Variants in SLC6A6 observed in about 807,000 individuals in gnomAD.
SLC6A6 encodes solute carrier family 6 member 6, also known as sodium- and chloride-dependent taurine transporter.
A neutral mutation model predicts 68.8 loss-of-function variants in SLC6A6; 16 were observed. The observed-to-expected ratio is 0.23, with a 90% CI of 0.16 to 0.35. SLC6A6 has a LOEUF of 0.35. Ranked by LOEUF, SLC6A6 falls within the 10% of genes least tolerant of loss-of-function variation. The pLI, the probability that SLC6A6 is intolerant of heterozygous loss-of-function variation, is 1.00. For synonymous variants in SLC6A6, 312 were observed against 315.4 expected (o/e 0.99, Z 0.12); for missense variants, 474 against 802.8 (o/e 0.59, Z 4.95).
chr3:14,487,483 T>G lies in SLC6A6; in HGVS notation c.*2476T>G, dbSNP rs1209724431. The G allele has an allele frequency of 1.3e-5, 2 of 152,298 alleles. No individual in the cohort carries two copies. The highest frequency in any genetic ancestry group is 2.9e-5 in the Non-Finnish European group (2 of 68,086). The allele number at this position is 152,298 out of a possible 1,614,324, so 9.4% of individuals were successfully genotyped here. A position where few individuals can be genotyped will look rare whatever the true frequency, so the allele number is the denominator to read the frequency against. ...TGAGAGCTCATGACTCTGGTCCACC[T>G]GTCTATAGAGAATGGGCAAAGTCCT... is the stretch of plus-strand genomic sequence containing the variant. On this transcript the variant is annotated 3_prime_UTR_variant, in exon 15 of 15. Coordinates refer to ENST00000622186, the MANE Select transcript of SLC6A6 (RefSeq NM_003043.6).
Position 14,488,666 on chromosome 3 carries a change from A to G in SLC6A6, c.*3659A>G, listed in dbSNP as rs944942908. On this transcript the variant is annotated 3_prime_UTR_variant, in exon 15 of 15. Coordinates refer to ENST00000622186, the MANE Select transcript of SLC6A6 (RefSeq NM_003043.6). ...TACCACTGTGTGCAAAAATCGAAGT[A>G]CAAAACCACAAGACTAAACAAAACA... The G allele has an allele frequency of 6.6e-6, 1 of 152,284 alleles. No individual in the cohort carries two copies. Among genetic ancestry groups the G allele is most frequent in the Non-Finnish European group, 1.5e-5 (1 of 68,060 alleles). The allele number at this position is 152,284 out of a possible 1,614,324, so 9.4% of individuals were successfully genotyped here. A position where few individuals can be genotyped will look rare whatever the true frequency, so the allele number is the denominator to read the frequency against.
intron 14 of SLC6A6, among the ~76,000 whole-genome samples, chr3:14,484,197 C>G (rs1214490776): frequency 6.6e-6 from 1 of 152,176 alleles, no homozygotes; most frequent in Non-Finnish European, 1.5e-5. Flanking sequence ...GAGAGGGACA[C>G]TCAACCAACT....
At chr3:14,445,992 C>A in intron 4 of SLC6A6, 141 bp downstream of exon 4, 1 of 829,636 alleles carries the variant, frequency 1.2e-6, no homozygotes, top group Non-Finnish European at 1.9e-6. Context: ...GCAGCCAGTA[C>A]AGTACCAGTG....
At chr3:14,426,888 A>G (rs1350702028) in intron 2 of SLC6A6, among the ~76,000 whole-genome samples, 1 of 152,146 alleles carries the variant, frequency 6.6e-6, no homozygotes, top group African/African-American at 2.4e-5. Flanking sequence ...TGTGTCCTTC[A>G]GGGCCTGGGA....
At chr3:14,476,729 G>C (rs1166607704) in intron 10 of SLC6A6, among the ~76,000 whole-genome samples, 1 of 152,226 alleles carries the variant, frequency 6.6e-6, no homozygotes, top group Non-Finnish European at 1.5e-5. Context: ...GCAGGGCTCG[G>C]CATTCGAGGC....
At position 14,478,439 on chromosome 3, in the gene SLC6A6, G is replaced by A. The variant is rs372066855; in HGVS notation, c.1348-27G>A. On this transcript the variant is annotated intron_variant, in intron 11 of 14. Coordinates refer to ENST00000622186, the MANE Select transcript of SLC6A6 (RefSeq NM_003043.6). ...GAAATTGGAGACCAGGTAGGAAATC[G>A]ACCTTCTGTGGTTTTTTTCTTCACA... is the stretch of plus-strand genomic sequence containing the variant. The A allele has an allele frequency of 1.3e-4, 188 of 1,448,074 alleles. 2 individuals are homozygous for A. The Middle Eastern group carries it at 3.5e-3, about 27-fold the overall frequency. The allele number at this position is 1,448,074 out of a possible 1,614,324, so 89.7% of individuals were successfully genotyped here.
At chr3:14,426,504 A>C (rs1198454866) in intron 2 of SLC6A6, among the ~76,000 whole-genome samples, 1 of 152,148 alleles carries the variant, frequency 6.6e-6, no homozygotes, top group Non-Finnish European at 1.5e-5. Context: ...GCCCCATTAG[A>C]CTCTAAGATG....
rs1422109488 is a variant in SLC6A6 at position 14,402,772 on chromosome 3, G to C, written c.-129G>C. Reference sequence around the variant, plus strand: ...GCGTTCACCCAGCGGGTCAGAGAGCGAGCGGGCAGGCAGCCCCCGGCCGGC... The same window carrying C: ...GCGTTCACCCAGCGGGTCAGAGAGCCAGCGGGCAGGCAGCCCCCGGCCGGC... On this transcript the variant is annotated 5_prime_UTR_variant, in exon 1 of 15. Transcript: ENST00000622186. This position sits in a 1 kb window ranked among gnomAD's most constrained non-coding sequence, Gnocchi z 4.8. The C allele has an allele frequency of 2.5e-6, 1 of 398,114 alleles. No homozygotes were observed. Among genetic ancestry groups the C allele is most frequent in the Non-Finnish European group, 4.4e-6 (1 of 225,732 alleles). The allele number at this position is 398,114 out of a possible 1,614,324, so 24.7% of individuals were successfully genotyped here. A position where few individuals can be genotyped will look rare whatever the true frequency, so the allele number is the denominator to read the frequency against.
intron 2 of SLC6A6, among the ~76,000 whole-genome samples, chr3:14,438,231 A>T (rs1343268269): frequency 1.1e-4 from 17 of 150,326 alleles, no homozygotes; most frequent in Non-Finnish European, 1.0e-4. Context: ...TTTTTTTTTT[A>T]AAGCTACTAT....
chr3:14,458,444 T>C (rs781311663), intron 6 of SLC6A6, among the ~76,000 whole-genome samples: 1 of 152,212 alleles, frequency 6.6e-6, no homozygotes, highest in Admixed American at 6.5e-5. Context: ...AGATAACTAA[T>C]GTTGGGCTTC....
At chr3:14,444,154 C>T (rs1179280695) in intron 3 of SLC6A6, 3 of 367,034 alleles carry the variant, frequency 8.2e-6, no homozygotes, top group African/African-American at 6.1e-5. Flanking sequence ...CAGGACAAGG[C>T]CAGGCTTGTG....
rs940318268 is a variant in SLC6A6 at position 14,468,740 on chromosome 3, C to T, written c.1096+528C>T. On this transcript the variant is annotated intron_variant, in intron 9 of 14. Coordinates refer to ENST00000622186, the MANE Select transcript of SLC6A6 (RefSeq NM_003043.6). The surrounding 1 kb of genome is among the most constrained non-coding windows in gnomAD (Gnocchi z 4.5). ...CTGGGTGCAGTGTGTGGGGGGAGGG[C>T]GTAGATGAGGGGACGACCTACTGGG... Among the ~76,000 whole-genome samples, 29 of 152,128 alleles carry T rather than the reference C, an allele frequency of 1.9e-4. No individual in the cohort carries two copies. Among genetic ancestry groups the T allele is most frequent in the African/African-American group, 6.5e-4 (27 of 41,404 alleles).
intron 2 of SLC6A6, among the ~76,000 whole-genome samples, chr3:14,416,733 C>T (rs896136490): frequency 6.6e-6 from 1 of 152,262 alleles, no homozygotes; most frequent in Admixed American, 6.5e-5. Flanking sequence ...CCAGCCTGTG[C>T]CCTGTCCTGG....
At chr3:14,433,673 AGG>A (rs1036724899) in intron 2 of SLC6A6, among the ~76,000 whole-genome samples, 64 of 79,720 alleles carry the variant, frequency 8.0e-4, no homozygotes, top group Non-Finnish European at 1.5e-3. Context: ...GCGTGGTGGC[AGG>A]CACCTGTAAT....
intron 1 of SLC6A6, among the ~76,000 whole-genome samples, 169 bp downstream of exon 1, chr3:14,403,016 G>A (rs972188079): frequency 1.3e-5 from 2 of 152,202 alleles, no homozygotes; most frequent in African/African-American, 4.8e-5. Context: ...CAGTCCCGCT[G>A]GCGGGGCTGT....
At chr3:14,429,195 A>C (rs1311071574) in intron 2 of SLC6A6, among the ~76,000 whole-genome samples, 1 of 152,184 alleles carries the variant, frequency 6.6e-6, no homozygotes, top group African/African-American at 2.4e-5. Flanking sequence ...GCAAGTGGAT[A>C]AAGGCATGTT....
At position 14,488,314 on chromosome 3, in the gene SLC6A6, AC is replaced by A; in HGVS notation, c.*3312del. 1 of 152,284 alleles carries A rather than the reference AC, an allele frequency of 6.6e-6. No homozygotes were observed. Among genetic ancestry groups the A allele is most frequent in the Non-Finnish European group, 1.5e-5 (1 of 68,232 alleles). The allele number at this position is 152,284 out of a possible 1,614,324, so 9.4% of individuals were successfully genotyped here. On this transcript the variant is annotated 3_prime_UTR_variant, in exon 15 of 15. Coordinates refer to ENST00000622186, the MANE Select transcript of SLC6A6 (RefSeq NM_003043.6). ...TCACTGCCCCCTGGATCCCCAGCAT[AC>A]CCCCAAAGACAGTGGGGAAACACAA...
intron 1 of SLC6A6, among the ~76,000 whole-genome samples, chr3:14,403,852 C>A (rs1699044698): frequency 6.6e-6 from 1 of 152,240 alleles, no homozygotes; most frequent in South Asian, 2.1e-4. Context: ...TCAGCCTGGA[C>A]TGGAGAGGAG....
intron 5 of SLC6A6, among the ~76,000 whole-genome samples, chr3:14,456,499 G>A (rs550678901): frequency 6.6e-6 from 1 of 152,360 alleles, no homozygotes; most frequent in African/African-American, 2.4e-5. Flanking sequence ...GAAAGGCCTT[G>A]CTTGAATACC....
Sources: gnomAD v4.1 joint callset for allele counts (sites outside exome capture counted in the v4.1 genomes callset) on GRCh38, gnomAD v4.1.1 for gene constraint, Gnocchi (gnomAD v3.1) non-coding constraint, MANE v1.5 for transcripts, NCBI Gene and HGNC (gene_info 2026-07-23, HGNC 2026-07-21) for gene names.